PLEKHG1: variants seen among roughly 807,000 people sequenced by gnomAD.
The protein encoded by PLEKHG1 is pleckstrin homology and RhoGEF domain containing G1, also known as pleckstrin homology domain-containing family G member 1.
In PLEKHG1, 44 loss-of-function variants were observed where a neutral mutation model predicts 100.8. The observed-to-expected ratio is 0.44, with a 90% CI of 0.34 to 0.56. PLEKHG1 has a LOEUF of 0.56. Ranked by LOEUF, PLEKHG1 falls within the 20% of genes least tolerant of loss-of-function variation. The pLI, the probability that PLEKHG1 is intolerant of heterozygous loss-of-function variation, is 0.01. For synonymous variants in PLEKHG1, 640 were observed against 662.5 expected (o/e 0.97, Z 0.52); for missense variants, 1,545 against 1,720.9 (o/e 0.90, Z 1.81).
At position 150,607,028 on chromosome 6, in the gene PLEKHG1, C is replaced by G. The variant is rs141568005; in HGVS notation, c.-204+7011C>G. 1.6e-4 allele frequency among the ~76,000 whole-genome samples: 25 copies of G among 152,252 alleles called. No individual in the cohort carries two copies. The East Asian group carries it at 1.7e-3, about 11-fold the overall frequency. ...ACCCGTTTTCCTTCCTGAGCTACCCCCTTCCCTTCCCTCCAACTTCTCGTG... is the reference window on the plus strand; with the variant it reads ...ACCCGTTTTCCTTCCTGAGCTACCCGCTTCCCTTCCCTCCAACTTCTCGTG... On this transcript the variant is annotated intron_variant, in intron 1 of 3. Transcript: ENST00000367326.
intron 3 of PLEKHG1, among the ~76,000 whole-genome samples, chr6:150,688,940 G>A (rs751905039): frequency 6.6e-6 from 1 of 152,144 alleles, no homozygotes; most frequent in Non-Finnish European, 1.5e-5. Context: ...AGTGGCATTA[G>A]TTGTATTCAC....
chr6:150,699,544 G>A (rs187892293), intron 3 of PLEKHG1, among the ~76,000 whole-genome samples: 4 of 152,328 alleles, frequency 2.6e-5, no homozygotes, highest in African/African-American at 9.6e-5. Context: ...ATATGCCCAG[G>A]TAGGTGGCCA....
intron 3 of PLEKHG1, among the ~76,000 whole-genome samples, chr6:150,779,384 C>T (rs145429463): frequency 0.011 from 1,315 of 122,758 alleles, 15 homozygotes; most frequent in African/African-American, 0.043. Flanking sequence ...CTCGTTCTGT[C>T]GCCTAGGCTG....
chr6:150,689,612 C>T (rs1040410306), intron 3 of PLEKHG1, among the ~76,000 whole-genome samples: 4 of 152,032 alleles, frequency 2.6e-5, no homozygotes, highest in Non-Finnish European at 5.9e-5. Context: ...CCTGTAATTC[C>T]GGCACTTTGG....
intron 3 of PLEKHG1, among the ~76,000 whole-genome samples, chr6:150,680,223 G>GA (rs1779887083): frequency 6.6e-6 from 1 of 152,174 alleles, no homozygotes; most frequent in Non-Finnish European, 1.5e-5. Flanking sequence ...CCAGGGTAGA[G>GA]ATGGAGAAAA....
intron 2 of PLEKHG1, among the ~76,000 whole-genome samples, chr6:150,642,547 G>C (rs1562403592): frequency 6.6e-6 from 1 of 152,146 alleles, no homozygotes; most frequent in Admixed American, 6.5e-5. Context: ...GTTGTATTTT[G>C]TTATGCTTTT....
intron 3 of PLEKHG1, among the ~76,000 whole-genome samples, chr6:150,692,043 C>A (rs1269806457): frequency 3.3e-5 from 5 of 152,314 alleles, no homozygotes; most frequent in Non-Finnish European, 7.4e-5. Flanking sequence ...TTGAGGAAGC[C>A]TGGTTAGGCA....
At chr6:150,755,163 G>GTCTGGGCA (rs1445912392) in intron 2 of PLEKHG1, among the ~76,000 whole-genome samples, 1 of 151,548 alleles carries the variant, frequency 6.6e-6, no homozygotes, top group African/African-American at 2.4e-5. Context: ...TTTTTGTGGA[G>GTCTGGGCA]ACAGGTCTCA....
intron 14 of PLEKHG1, among the ~76,000 whole-genome samples, chr6:150,829,956 A>G (rs967153906): frequency 6.6e-6 from 1 of 152,236 alleles, no homozygotes; most frequent in Non-Finnish European, 1.5e-5. Context: ...AGTCTCAAAT[A>G]GAACAGATAG....
intron 7 of PLEKHG1, among the ~76,000 whole-genome samples, chr6:150,807,633 G>A (rs1020888828): frequency 1.3e-5 from 2 of 152,120 alleles, no homozygotes; most frequent in African/African-American, 4.8e-5. Flanking sequence ...CGGGGAGTGG[G>A]GCAAGTGGGG....
At chr6:150,685,436 C>G (rs1444502652) in intron 3 of PLEKHG1, among the ~76,000 whole-genome samples, 1 of 152,196 alleles carries the variant, frequency 6.6e-6, no homozygotes, top group Non-Finnish European at 1.5e-5. Context: ...AGGAATCCCA[C>G]TCCAGTGAGG....
At chr6:150,628,571 C>T (rs1777605427) in intron 1 of PLEKHG1, among the ~76,000 whole-genome samples, 1 of 150,752 alleles carries the variant, frequency 6.6e-6, no homozygotes, top group Admixed American at 6.6e-5. Context: ...CACACACACA[C>T]ACACACCCCG....
At chr6:150,723,917 T>C (rs563695867) in intron 1 of PLEKHG1, among the ~76,000 whole-genome samples, 1 of 152,342 alleles carries the variant, frequency 6.6e-6, no homozygotes, top group Admixed American at 6.5e-5. Flanking sequence ...TCTGAAAGGC[T>C]TCTCATCCAC....
At chr6:150,767,186 A>G (rs1204580873) in intron 2 of PLEKHG1, among the ~76,000 whole-genome samples, 3 of 152,052 alleles carry the variant, frequency 2.0e-5, no homozygotes, top group South Asian at 2.1e-4. Flanking sequence ...CATTCTTTCA[A>G]TTCTGGCCTC....
In PLEKHG1 at chr6:150,701,445, AT is replaced by A. The variant is rs1397453337; in HGVS notation, c.-98-32138del. Among the ~76,000 whole-genome samples, 3 of 79,466 alleles carry A rather than the reference AT, an allele frequency of 3.8e-5. No homozygotes were observed. The African/African-American group carries it at 3.9e-4, about 10-fold the overall frequency. 52.1% of individuals were successfully genotyped at this position (79,466 alleles called of 152,430 possible). On this transcript the variant is annotated intron_variant, in intron 3 of 3. Transcript: ENST00000367326. The stretch of plus-strand genomic sequence containing the variant: ...TATATATATATATATATATATATAT[AT>A]ATATATATATATATATATATAATTA...
chr6:150,702,038 C>T (rs1173863776), intron 3 of PLEKHG1, among the ~76,000 whole-genome samples: 1 of 152,218 alleles, frequency 6.6e-6, no homozygotes, highest in Non-Finnish European at 1.5e-5. Context: ...AAACTTGTAT[C>T]TCACTCCATA....
intron 1 of PLEKHG1, among the ~76,000 whole-genome samples, chr6:150,606,624 G>A (rs1054978410): frequency 7.9e-5 from 12 of 152,094 alleles, no homozygotes; most frequent in Admixed American, 2.0e-4. Context: ...TGTTTTCTGC[G>A]CTCACTTTAG....
intron 7 of PLEKHG1, among the ~76,000 whole-genome samples, chr6:150,805,928 C>A (rs1408928285): frequency 3.3e-5 from 5 of 152,126 alleles, no homozygotes; most frequent in African/African-American, 7.2e-5. Context: ...AGCTGTTGGG[C>A]CAGTGATCAT....
chr6:150,733,229 T>C (rs186500654), intron 1 of PLEKHG1, among the ~76,000 whole-genome samples: 1 of 152,038 alleles, frequency 6.6e-6, no homozygotes, highest in Admixed American at 6.5e-5. Flanking sequence ...ATTTAGTGAA[T>C]CTAGACTGAT....
Sources: gnomAD v4.1 joint callset for allele counts (sites outside exome capture counted in the v4.1 genomes callset) on GRCh38, gnomAD v4.1.1 for gene constraint, MANE v1.5 for transcripts, NCBI Gene and HGNC (gene_info 2026-07-23, HGNC 2026-07-21) for gene names.